The following PTPN3 variants were observed in gnomAD, a reference collection of about 807,000 sequenced individuals.
PTPN3 encodes the protein protein tyrosine phosphatase non-receptor type 3.
PTPN3 carries 96 observed loss-of-function variants against 132.7 expected under a neutral mutation model. The ratio of observed to expected loss-of-function variants is 0.72; its 90% CI spans 0.61 to 0.86. PTPN3 has a LOEUF of 0.86. Among genes scored for constraint, PTPN3 ranks in the 40% least tolerant of loss-of-function variants. The probability of loss-of-function intolerance (pLI) is 0.00; values close to 1 mark genes in which losing one functional copy is unlikely to be tolerated. For synonymous variants in PTPN3, 398 were observed against 429.0 expected, an observed-to-expected ratio of 0.93 and a Z score of 0.89; for missense variants, 1,125 against 1,159.6, an observed-to-expected ratio of 0.97 and a Z score of 0.43.
intron 9 of PTPN3, among the ~76,000 whole-genome samples, chr9:109,433,526 A>G (rs1843811191): frequency 6.6e-6 from 1 of 152,182 alleles, no homozygotes; most frequent in South Asian, 2.1e-4. Context: ...GCAAATCTCA[A>G]TTTCCATTAC....
chr9:109,424,961 G>A (rs1480621174), intron 12 of PTPN3, among the ~76,000 whole-genome samples: 3 of 152,222 alleles, frequency 2.0e-5, no homozygotes, highest in Non-Finnish European at 2.9e-5. Flanking sequence ...GACAGAGGCA[G>A]GATTTGAACC....
intron 2 of PTPN3, 116 bp downstream of exon 2, chr9:109,463,181 G>T: frequency 9.0e-7 from 1 of 1,112,862 alleles, no homozygotes; most frequent in Non-Finnish European, 1.2e-6. Context: ...CAAGATCTGA[G>T]ATCTCAAGCT....
At chr9:109,443,837 T>C (rs541679945) in intron 7 of PTPN3, among the ~76,000 whole-genome samples, 162 of 152,294 alleles carry the variant, frequency 1.1e-3, no homozygotes, top group Non-Finnish European at 1.9e-3. Context: ...CAGGTATCGA[T>C]GGAGAGACTA....
intron 1 of PTPN3, among the ~76,000 whole-genome samples, chr9:109,483,549 G>A (rs1258352588): frequency 1.3e-5 from 2 of 152,174 alleles, no homozygotes; most frequent in Non-Finnish European, 2.9e-5. Flanking sequence ...ACCTTCCAGG[G>A]TGTGACCATG....
the PTPN3 span, among the ~76,000 whole-genome samples, chr9:109,537,347 G>A: frequency 6.6e-6 from 1 of 152,154 alleles, no homozygotes; most frequent in Non-Finnish European, 1.5e-5. Context: ...AAAAGATGTA[G>A]GGCATATTAC....
At chr9:109,491,761 GAAGT>G (rs1209731408) in intron 1 of PTPN3, among the ~76,000 whole-genome samples, 2 of 152,230 alleles carry the variant, frequency 1.3e-5, no homozygotes, top group Non-Finnish European at 2.9e-5. Context: ...CCCACAGGAT[GAAGT>G]AATCAGTGGG....
Position 109,404,434 on chromosome 9 carries a change from C to CCCT in PTPN3, c.1953+13_1953+14insAGG. On this transcript the variant is annotated intron_variant, in intron 19 of 25. Coordinates refer to ENST00000374541, the MANE Select transcript of PTPN3 (RefSeq NM_002829.4). ...GCGACATGGCAGTGGGATTCAGCCT[C>CCCT]CAGAGGGTCTTACCTCAAACTGGAT... 3 of 1,401,630 alleles carry CCCT rather than the reference C, an allele frequency of 2.1e-6. No homozygotes were observed. Among genetic ancestry groups the CCCT allele is most frequent in the Non-Finnish European group, 2.8e-6 (3 of 1,056,454 alleles). 86.8% of individuals were successfully genotyped at this position (1,401,630 alleles called of 1,614,324 possible). A position where few individuals can be genotyped will look rare whatever the true frequency, so the allele number is the denominator to read the frequency against.
At position 109,378,955 on chromosome 9, in the gene PTPN3, A is replaced by G. The variant is rs1022568403; in HGVS notation, c.*601T>C. ...CCTGAAGAGGGACACAATTCTCAGA[A>G]ACATGAATATTGGAAGTCGCTGGGA... On this transcript the variant is annotated 3_prime_UTR_variant, in exon 26 of 26. Coordinates refer to ENST00000374541, the MANE Select transcript of PTPN3 (RefSeq NM_002829.4). The G allele has an allele frequency of 5.2e-5, 8 of 152,464 alleles. No individual in the cohort carries two copies. Among genetic ancestry groups the G allele is most frequent in the African/African-American group, 1.9e-4 (8 of 41,472 alleles). The allele number at this position is 152,464 out of a possible 1,614,324, so 9.4% of individuals were successfully genotyped here.
At chr9:109,422,697 A>G (rs779908598) in intron 13 of PTPN3, 21 bp downstream of exon 13, 5 of 1,574,388 alleles carry the variant, frequency 3.2e-6, no homozygotes, top group East Asian at 2.2e-5. Flanking sequence ...TAGTACAAAA[A>G]AAAAAAAAAG....
intron 9 of PTPN3, among the ~76,000 whole-genome samples, chr9:109,436,025 A>G (rs1287358003): frequency 6.6e-6 from 1 of 152,232 alleles, no homozygotes; most frequent in Non-Finnish European, 1.5e-5. Flanking sequence ...TTTCTCATCT[A>G]TAAAACGGGA....
Position 109,420,599 on chromosome 9 carries a change from G to A in PTPN3, c.1138C>T (p.Arg380Ter), listed in dbSNP as rs185821807. ...ATTTCGTGCCGGAGCCGAGGACTTC[G>A]CCTGGGTGGGAAAAACGTTGAGTGC... ...SRSPPITPNW[R>*]SPRLRHEIRK... Residue 380 changes from arginine to a stop codon, truncating the protein, a stop_gained and splice_region_variant, in exon 14 of 26, where the codon CGA (arginine) becomes TGA (stop). Transcript: ENST00000374541. LOFTEE classifies it high-confidence loss of function. 8.7e-6 allele frequency: 14 copies of A among 1,604,148 alleles called. 1 individual carries two copies. The highest frequency in any genetic ancestry group is 4.0e-5 in the African/African-American group (3 of 74,738).
At chr9:109,533,161 G>T in the PTPN3 span, among the ~76,000 whole-genome samples, 5 of 57,990 alleles carry the variant, frequency 8.6e-5, no homozygotes, top group Non-Finnish European at 1.2e-4. Flanking sequence ...TTTTTGAGAC[G>T]GAGTCTCGCT....
intron 2 of PTPN3, among the ~76,000 whole-genome samples, chr9:109,462,241 C>T (rs1845879052): frequency 6.6e-6 from 1 of 152,196 alleles, no homozygotes; most frequent in Non-Finnish European, 1.5e-5. Context: ...AGCCAAGGCA[C>T]TGGGCCACCG....
At chr9:109,493,438 A>G (rs1221046760) in intron 1 of PTPN3, among the ~76,000 whole-genome samples, 1 of 152,184 alleles carries the variant, frequency 6.6e-6, no homozygotes, top group Non-Finnish European at 1.5e-5. Flanking sequence ...CTCAGTAAAA[A>G]AAATTCACTT....
At chr9:109,463,272 T>TAAA (rs200343380) in intron 2 of PTPN3, 25 bp downstream of exon 2, 7 of 1,126,128 alleles carry the variant, frequency 6.2e-6, no homozygotes, top group Admixed American at 2.7e-5. Flanking sequence ...TCAGGAAAAG[T>TAAA]AAAAAAAAAA....
chr9:109,475,765 C>T (rs1846629857), intron 1 of PTPN3, among the ~76,000 whole-genome samples: 1 of 152,174 alleles, frequency 6.6e-6, no homozygotes, highest in African/African-American at 2.4e-5. Context: ...GCTAAAGTCA[C>T]TTTGAAAGGT....
intron 14 of PTPN3, among the ~76,000 whole-genome samples, chr9:109,411,237 T>C (rs529377998): frequency 6.6e-6 from 1 of 152,308 alleles, no homozygotes; most frequent in East Asian, 1.9e-4. Context: ...TCATTTGTTC[T>C]AACTCCCAGT....
chr9:109,498,255 C>A lies in PTPN3; in HGVS notation c.-54G>T, dbSNP rs1847778569. 6.8e-6 allele frequency: 1 copy of A among 146,498 alleles called. No individual in the cohort carries two copies. Among genetic ancestry groups the A allele is most frequent in the African/African-American group, 2.4e-5 (1 of 40,864 alleles). 9.1% of individuals were successfully genotyped at this position (146,498 alleles called of 1,614,324 possible). A position where few individuals can be genotyped will look rare whatever the true frequency, so the allele number is the denominator to read the frequency against. On this transcript the variant is annotated 5_prime_UTR_variant, in exon 1 of 26. Transcript: ENST00000374541. The surrounding 1 kb of genome is among the most constrained non-coding windows in gnomAD (Gnocchi z 4.2). ...GGGGGCGCGGAGCGCCCAGGTAGGT[C>A]GCGCGTGCGGGCGGCGCGGAAGCTC...
At chr9:109,501,355 A>T (rs1214025935), upstream of PTPN3, among the ~76,000 whole-genome samples, 1 of 152,188 alleles carries the variant, frequency 6.6e-6, no homozygotes, top group Non-Finnish European at 1.5e-5. Context: ...GTTAGGTTTT[A>T]GGACACACTG....
Sources: gnomAD v4.1 joint callset for allele counts (sites outside exome capture counted in the v4.1 genomes callset) on GRCh38, gnomAD v4.1.1 for gene constraint, Gnocchi (gnomAD v3.1) non-coding constraint, MANE v1.5 for transcripts, NCBI Gene and HGNC (gene_info 2026-07-23, HGNC 2026-07-21) for gene names.